NRG3: variants seen among roughly 807,000 people sequenced by gnomAD.
The protein encoded by NRG3 is neuregulin 3.
Under a neutral mutation model 66.9 loss-of-function variants are expected in NRG3, and 31 were observed. The observed-to-expected ratio is 0.46, with a 90% CI of 0.35 to 0.63. NRG3 has a LOEUF of 0.63. NRG3 is among the 20% of genes least tolerant of loss of function. NRG3 has a pLI of 0.00. For missense variants in NRG3, 910 were observed against 878.9 expected, an observed-to-expected ratio of 1.04 and a Z score of -0.45; for synonymous variants, 393 against 359.4, an observed-to-expected ratio of 1.09 and a Z score of -1.06.
intron 2 of NRG3, among the ~76,000 whole-genome samples, chr10:82,492,084 A>G (rs1417628229): frequency 6.6e-6 from 1 of 152,178 alleles, no homozygotes; most frequent in Non-Finnish European, 1.5e-5. Flanking sequence ...TCTATCTGTC[A>G]CAGTCAGTTG....
intron 2 of NRG3, among the ~76,000 whole-genome samples, chr10:82,467,076 A>AT (rs774294271): frequency 1.3e-5 from 2 of 152,078 alleles, no homozygotes; most frequent in East Asian, 1.9e-4. Context: ...CCGTTATTGA[A>AT]TTTTTACCTG....
intron 2 of NRG3, among the ~76,000 whole-genome samples, chr10:82,403,323 A>C (rs1010078752): frequency 6.6e-5 from 10 of 152,138 alleles, no homozygotes; most frequent in Non-Finnish European, 1.5e-4. Context: ...CTTCAGCAGC[A>C]AAAAAATACA....
At chr10:82,831,445 A>G (rs1409688125) in intron 3 of NRG3, among the ~76,000 whole-genome samples, 6 of 139,146 alleles carry the variant, frequency 4.3e-5, no homozygotes, top group South Asian at 2.4e-4. Flanking sequence ...TGTATATAGT[A>G]TCTTATGGAA....
At chr10:82,671,596 C>A (rs960485090) in intron 2 of NRG3, among the ~76,000 whole-genome samples, 2 of 152,210 alleles carry the variant, frequency 1.3e-5, no homozygotes, top group Non-Finnish European at 2.9e-5. Context: ...GAGTTCCAAT[C>A]TTGACCCTGT....
intron 1 of NRG3, among the ~76,000 whole-genome samples, chr10:81,959,442 T>TCATATA (rs1204505239): frequency 6.6e-6 from 1 of 152,202 alleles, no homozygotes; most frequent in Admixed American, 6.5e-5. Flanking sequence ...ATATGTGTGC[T>TCATATA]CATATATGAG....
chr10:82,045,834 C>G (rs975052465), intron 1 of NRG3, among the ~76,000 whole-genome samples: 5 of 110,974 alleles, frequency 4.5e-5, no homozygotes, highest in Non-Finnish European at 9.4e-5. Flanking sequence ...AATCCTTTCC[C>G]CATTTCTTGT....
intron 3 of NRG3, among the ~76,000 whole-genome samples, chr10:82,812,067 T>A (rs1433626040): frequency 6.6e-6 from 1 of 152,168 alleles, no homozygotes; most frequent in East Asian, 1.9e-4. Context: ...GTTAAATGAC[T>A]CCCAACAACC....
At chr10:82,116,210 A>C (rs1016797961) in intron 1 of NRG3, among the ~76,000 whole-genome samples, 6 of 152,038 alleles carry the variant, frequency 3.9e-5, no homozygotes, top group Non-Finnish European at 2.9e-5. Context: ...TGATGGCCTG[A>C]TTTTGTCCCT....
intron 3 of NRG3, among the ~76,000 whole-genome samples, chr10:82,773,899 T>G (rs1324990708): frequency 2.0e-5 from 3 of 152,210 alleles, no homozygotes; most frequent in Non-Finnish European, 4.4e-5. Flanking sequence ...AACTGTTATG[T>G]GTTTTTATCA....
chr10:82,228,295 TG>T (rs1444174419), intron 1 of NRG3, among the ~76,000 whole-genome samples: 5 of 152,198 alleles, frequency 3.3e-5, no homozygotes, highest in African/African-American at 1.2e-4. Context: ...AGTTCAAATT[TG>T]GGGCTTTTTG....
At chr10:81,940,856 G>A (rs1290780225) in intron 1 of NRG3, among the ~76,000 whole-genome samples, 1 of 152,048 alleles carries the variant, frequency 6.6e-6, no homozygotes, top group African/African-American at 2.4e-5. Context: ...TTAAGGTACC[G>A]AATGTATATC....
chr10:82,743,042 T>G (rs2058494926), intron 3 of NRG3, among the ~76,000 whole-genome samples: 1 of 152,108 alleles, frequency 6.6e-6, no homozygotes, highest in Non-Finnish European at 1.5e-5. Flanking sequence ...GTAGAGAAGA[T>G]GCCCATTGGA....
chr10:82,065,079 T>C (rs2064375603), intron 1 of NRG3, among the ~76,000 whole-genome samples: 1 of 152,182 alleles, frequency 6.6e-6, no homozygotes, highest in African/African-American at 2.4e-5. Context: ...TCAATATACT[T>C]TATCATTCCA....
At chr10:81,892,081 G>A (rs1306582548) in intron 1 of NRG3, among the ~76,000 whole-genome samples, 4 of 152,060 alleles carry the variant, frequency 2.6e-5, no homozygotes, top group Non-Finnish European at 4.4e-5. Flanking sequence ...TGATACATAC[G>A]TGGGACTTGG....
intron 2 of NRG3, among the ~76,000 whole-genome samples, chr10:82,370,625 C>A (rs2135730679): frequency 6.6e-6 from 1 of 152,196 alleles, no homozygotes; most frequent in South Asian, 2.1e-4. Flanking sequence ...CATTTCCTGT[C>A]CGTATCAATA....
intron 2 of NRG3, among the ~76,000 whole-genome samples, chr10:82,730,108 C>T (rs1345829760): frequency 7.6e-6 from 1 of 132,236 alleles, no homozygotes; most frequent in Non-Finnish European, 1.5e-5. Flanking sequence ...TTTTTTGAGA[C>T]GGAGTCTCGC....
intron 3 of NRG3, among the ~76,000 whole-genome samples, chr10:82,825,875 A>G (rs1271838980): frequency 6.6e-6 from 1 of 152,166 alleles, no homozygotes; most frequent in African/African-American, 2.4e-5. Flanking sequence ...TACTTTCTAT[A>G]TATTATATGT....
At chr10:82,411,706 T>A (rs1378755103) in intron 2 of NRG3, among the ~76,000 whole-genome samples, 1 of 152,082 alleles carries the variant, frequency 6.6e-6, no homozygotes, top group Non-Finnish European at 1.5e-5. Flanking sequence ...CTTCACTAAA[T>A]TGTAAGATGC....
chr10:82,982,643 C>T (rs1853048736), intron 8 of NRG3, among the ~76,000 whole-genome samples: 1 of 152,144 alleles, frequency 6.6e-6, no homozygotes, highest in African/African-American at 2.4e-5. Flanking sequence ...AAAATTTCCC[C>T]TCCCTCTGAG....
Sources: allele counts gnomAD v4.1 joint callset (sites outside exome capture counted in the v4.1 genomes callset), GRCh38; gene constraint gnomAD v4.1.1; transcripts MANE v1.5; gene names NCBI Gene and HGNC (gene_info 2026-07-23, HGNC 2026-07-21).